TSNARE1: variants seen among roughly 807,000 people sequenced by gnomAD.
The protein encoded by TSNARE1 is t-SNARE domain-containing protein 1.
TSNARE1 carries 49 observed loss-of-function variants against 62.0 expected under a neutral mutation model. The observed-to-expected ratio is 0.79, with a 90% CI of 0.63 to 1.00. The LOEUF (loss-of-function observed/expected upper bound fraction) is 1.00, where lower values mean the gene tolerates loss of function less well. Ranked by LOEUF, TSNARE1 falls within the 50% of genes least tolerant of loss-of-function variation. The pLI is 0.00. For missense variants in TSNARE1, 755 were observed against 700.1 expected (o/e 1.08, Z -0.88); for synonymous variants, 328 against 294.4 (o/e 1.11, Z -1.17).
chr8:142,284,528 G>C (rs773137554), intron 10 of TSNARE1, 43 bp from the exon 11 acceptor site: 2 of 1,544,720 alleles, frequency 1.3e-6, no homozygotes, highest in South Asian at 2.2e-5. Context: ...AGGGCTGTGG[G>C]GCAGACACCA....
chr8:142,262,411 T>G (rs759268115), intron 12 of TSNARE1, among the ~76,000 whole-genome samples: 19 of 152,180 alleles, frequency 1.2e-4, no homozygotes, highest in Non-Finnish European at 2.6e-4. Context: ...ACAAATATTG[T>G]CCTCATATTT....
Position 142,344,103 on chromosome 8 carries a change from C to T in TSNARE1, c.608G>A (p.Arg203Gln), listed in dbSNP as rs202203762. The change falls in exon 4 of 14, where the codon CGG becomes CAG. Residue 203 changes from arginine (R) to glutamine (Q), a missense_variant. Arg to Gln is a conservative substitution (Grantham distance 43). Transcript: ENST00000524325. ...AVVRRKLGDLRKAAHGPSPGS... is the reference protein window; with the variant it reads ...AVVRRKLGDLQKAAHGPSPGS... ...AGGGCTGGGGCCATGGGCCGCCTTC[C>T]GGAGGTCGCCCAGCTTGCGCCGCAC... 3.2e-4 allele frequency: 523 copies of T among 1,610,778 alleles called. 3 individuals are homozygous for T. The East Asian group carries it at 8.4e-3, about 26-fold the overall frequency.
chr8:142,270,183 C>T (rs1179057861), intron 12 of TSNARE1: 1 of 985,280 alleles, frequency 1.0e-6, no homozygotes, highest in Non-Finnish European at 1.2e-6. Flanking sequence ...AGACTGTGCC[C>T]TGCCGCGCAG....
At chr8:142,255,855 C>A (rs1475150703) in intron 12 of TSNARE1, among the ~76,000 whole-genome samples, 1 of 91,712 alleles carries the variant, frequency 1.1e-5, no homozygotes, top group African/African-American at 3.5e-5. Flanking sequence ...TCACCACCAC[C>A]ATCACCATCA....
At chr8:142,397,828 C>T (rs1038687653) in intron 1 of TSNARE1, among the ~76,000 whole-genome samples, 20 of 152,190 alleles carry the variant, frequency 1.3e-4, no homozygotes, top group Admixed American at 1.3e-4. Context: ...AGCGCAGCCA[C>T]CACAAGGCAC....
At chr8:142,277,847 G>A in intron 11 of TSNARE1, 2 of 985,374 alleles carry the variant, frequency 2.0e-6, no homozygotes, top group Non-Finnish European at 2.4e-6. Context: ...CCAGGGCTGA[G>A]GACTTGCAGA....
At chr8:142,247,259 C>T (rs984010487) in intron 12 of TSNARE1, among the ~76,000 whole-genome samples, 7 of 152,198 alleles carry the variant, frequency 4.6e-5, no homozygotes, top group Admixed American at 4.6e-4. Flanking sequence ...CCCAGCAAAG[C>T]TCTGGGGGCG....
At chr8:142,341,847 C>A (rs1458620437) in intron 4 of TSNARE1, among the ~76,000 whole-genome samples, 3 of 152,220 alleles carry the variant, frequency 2.0e-5, no homozygotes, top group Admixed American at 2.0e-4. Context: ...TCACTCAGCA[C>A]CCCCAGCCCT....
At chr8:142,237,242 G>C (rs924427611) in intron 12 of TSNARE1, among the ~76,000 whole-genome samples, 2 of 152,206 alleles carry the variant, frequency 1.3e-5, no homozygotes, top group African/African-American at 4.8e-5. Context: ...TCCCTGGAGG[G>C]GCTGAGGCTT....
intron 9 of TSNARE1, among the ~76,000 whole-genome samples, chr8:142,309,573 T>A (rs1827251850): frequency 6.6e-6 from 1 of 152,220 alleles, no homozygotes; most frequent in Admixed American, 6.5e-5. Flanking sequence ...AGACTCTGAA[T>A]GCAAATCAAT....
intron 13 of TSNARE1, among the ~76,000 whole-genome samples, chr8:142,214,168 G>C (rs1359352067): frequency 6.6e-6 from 1 of 152,188 alleles, no homozygotes; most frequent in Non-Finnish European, 1.5e-5. Flanking sequence ...ATGACGCTGG[G>C]TGCGGCCCGC....
intron 12 of TSNARE1, among the ~76,000 whole-genome samples, chr8:142,256,563 TCAC>T (rs368929081): frequency 2.5e-5 from 2 of 78,716 alleles, no homozygotes; most frequent in African/African-American, 1.0e-4. Context: ...ATCACCACCA[TCAC>T]CATCACCATC....
At chr8:142,212,552 C>T (rs1409662317) in intron 13 of TSNARE1, among the ~76,000 whole-genome samples, 2 of 152,054 alleles carry the variant, frequency 1.3e-5, no homozygotes, top group Non-Finnish European at 1.5e-5. Context: ...TCAGCACCAT[C>T]CCCTGCCCTG....
intron 12 of TSNARE1, among the ~76,000 whole-genome samples, chr8:142,254,280 C>A (rs1181424765): frequency 6.6e-6 from 1 of 152,200 alleles, no homozygotes; most frequent in Admixed American, 6.5e-5. Context: ...CCCAGTGCCC[C>A]GTGGGGCCAT....
In TSNARE1 at chr8:142,286,605, G is replaced by A. The variant is rs80262843; in HGVS notation, c.1291-2120C>T. ...CGAAAGGATGGGTGCGGGTTGGCCC[G>A]GGCCGGTTTCTGGTCTCCTCGTCAC... is the stretch of plus-strand genomic sequence containing the variant. On this transcript the variant is annotated intron_variant, in intron 10 of 13. Coordinates refer to ENST00000524325, the MANE Select transcript of TSNARE1 (RefSeq NM_145003.5). Among the ~76,000 whole-genome samples the A allele has an allele frequency of 2.5e-3, 377 of 152,292 alleles. 3 individuals are homozygous for A. Among genetic ancestry groups the A allele is most frequent in the Middle Eastern group, 3.4e-3 (1 of 294 alleles).
chr8:142,231,321 C>A (rs1455904427), intron 12 of TSNARE1, among the ~76,000 whole-genome samples: 1 of 152,204 alleles, frequency 6.6e-6, no homozygotes, highest in East Asian at 1.9e-4. Flanking sequence ...CAGTGTGTGG[C>A]AGATCTGAGG....
intron 9 of TSNARE1, among the ~76,000 whole-genome samples, chr8:142,302,992 A>G (rs904862205): frequency 2.6e-5 from 4 of 151,824 alleles, no homozygotes; most frequent in Non-Finnish European, 5.9e-5. Context: ...ACCCCAACCC[A>G]TCCCACTCAC....
chr8:142,259,058 T>G (rs977145860), intron 12 of TSNARE1, among the ~76,000 whole-genome samples: 25 of 152,332 alleles, frequency 1.6e-4, no homozygotes, highest in African/African-American at 5.5e-4. Context: ...ACGCTGCAGC[T>G]GAGGCGTGGC....
At chr8:142,304,447 G>A (rs942876713) in intron 9 of TSNARE1, among the ~76,000 whole-genome samples, 3 of 152,234 alleles carry the variant, frequency 2.0e-5, no homozygotes, top group Non-Finnish European at 4.4e-5. Flanking sequence ...GGCACTCACA[G>A]CCCCGTGGTC....
Sources: allele counts gnomAD v4.1 joint callset (sites outside exome capture counted in the v4.1 genomes callset), GRCh38; gene constraint gnomAD v4.1.1; transcripts MANE v1.5; gene names NCBI Gene and HGNC (gene_info 2026-07-23, HGNC 2026-07-21).